The following TTC7A variants were observed in gnomAD, a reference collection of about 807,000 sequenced individuals.
The protein encoded by TTC7A is tetratricopeptide repeat protein 7A.
TTC7A carries 110 observed loss-of-function variants against 103.7 expected under a neutral mutation model. That is an observed-to-expected ratio of 1.06 (90% CI 0.91 to 1.24). The LOEUF is 1.24. TTC7A is among the 50% of genes most tolerant of loss of function. The pLI is 0.00. For missense variants in TTC7A, 1,340 were observed against 1,116.3 expected (o/e 1.20, Z -2.86); for synonymous variants, 521 against 467.9 (o/e 1.11, Z -1.47).
At chr2:46,940,468 G>C (rs77351240), upstream of TTC7A, among the ~76,000 whole-genome samples, 4,083 of 152,256 alleles carry the variant, frequency 0.027, 82 homozygotes, top group Admixed American at 0.049. The surrounding 1 kb of genome is among the most constrained non-coding windows in gnomAD (Gnocchi z 4.7). Context: ...GCCCCGCCCC[G>C]TAGTCCTGTG....
At chr2:46,978,206 C>G (rs958966622) in intron 4 of TTC7A, 1 of 152,714 alleles carries the variant, frequency 6.5e-6, no homozygotes, top group Non-Finnish European at 1.5e-5. Flanking sequence ...AGTGAGTGCT[C>G]AGCATGGTTC....
chr2:46,968,705 A>C (rs533252635), intron 3 of TTC7A, among the ~76,000 whole-genome samples: 4 of 152,162 alleles, frequency 2.6e-5, no homozygotes. Context: ...ATTTCTCTGA[A>C]TCATGACAGC....
At chr2:47,072,104 C>G (rs563171818) in intron 19 of TTC7A, among the ~76,000 whole-genome samples, 3 of 152,150 alleles carry the variant, frequency 2.0e-5, no homozygotes, top group Non-Finnish European at 4.4e-5. Context: ...GCCCTTGGGT[C>G]TGGTGTGGGT....
chr2:47,016,295 C>T (rs1213269729), intron 11 of TTC7A, among the ~76,000 whole-genome samples: 1 of 152,186 alleles, frequency 6.6e-6, no homozygotes, highest in Non-Finnish European at 1.5e-5. Context: ...AAAAATGAAA[C>T]CCTCCAGAGG....
At chr2:46,985,042 C>G (rs73926325) in intron 5 of TTC7A, among the ~76,000 whole-genome samples, 5,332 of 152,242 alleles carry the variant, frequency 0.035, 338 homozygotes, top group African/African-American at 0.12. Context: ...CTGCTTCCCC[C>G]TGTCTGCACT....
At chr2:47,017,987 A>G (rs2104524900) in intron 11 of TTC7A, among the ~76,000 whole-genome samples, 1 of 152,310 alleles carries the variant, frequency 6.6e-6, no homozygotes, top group South Asian at 2.1e-4. Flanking sequence ...ACATATATAT[A>G]TGAACCTGGC....
At chr2:46,994,335 C>T (rs372560551) in intron 6 of TTC7A, 22 bp from the exon 7 acceptor site, 72 of 1,604,546 alleles carry the variant, frequency 4.5e-5, no homozygotes, top group African/African-American at 1.5e-4. Flanking sequence ...TGCCTGGGTC[C>T]GAGTGCTTCC....
At position 46,957,119 on chromosome 2, in the gene TTC7A, A is replaced by G. The variant is rs920989478; in HGVS notation, c.517+112A>G. On this transcript the variant is annotated intron_variant, in intron 3 of 19. Transcript: ENST00000319190. ...AGATTCTTCACCCCTGGTAGTGCCCATGCCCTGGCACTGGTGTCTAAGGTG... is the reference window on the plus strand; with the variant it reads ...AGATTCTTCACCCCTGGTAGTGCCCGTGCCCTGGCACTGGTGTCTAAGGTG... The G allele has an allele frequency of 8.1e-6, 11 of 1,358,616 alleles. No individual in the cohort carries two copies. The African/African-American group carries it at 1.3e-4, about 16-fold the overall frequency. The allele number at this position is 1,358,616 out of a possible 1,614,324, so 84.2% of individuals were successfully genotyped here. A position where few individuals can be genotyped will look rare whatever the true frequency, so the allele number is the denominator to read the frequency against.
intron 15 of TTC7A, among the ~76,000 whole-genome samples, chr2:47,031,839 T>C (rs1680577256): frequency 6.6e-6 from 1 of 152,244 alleles, no homozygotes; most frequent in Admixed American, 6.5e-5. Context: ...TTTGGAAATC[T>C]GGCTGCAGCC....
intron 2 of TTC7A, among the ~76,000 whole-genome samples, chr2:46,952,734 A>AG: frequency 6.6e-6 from 1 of 152,312 alleles, no homozygotes; most frequent in African/African-American, 2.4e-5. Context: ...CCTGGGTGAC[A>AG]GAGCAAGATC....
chr2:47,029,519 G>A, intron 15 of TTC7A, 135 bp downstream of exon 15: 1 of 1,004,664 alleles, frequency 1.0e-6, no homozygotes, highest in Non-Finnish European at 1.5e-6. Context: ...AATCCCTGGT[G>A]GAGAGACAGG....
chr2:46,978,665 C>G, intron 4 of TTC7A, 127 bp from the exon 5 acceptor site: 1 of 643,470 alleles, frequency 1.6e-6, no homozygotes, highest in East Asian at 2.9e-5. Context: ...CAAGCCTGGT[C>G]TGAGAATGCA....
At chr2:46,920,953 A>C (rs2103801963) in intron 2 of TTC7A, among the ~76,000 whole-genome samples, 1 of 151,410 alleles carries the variant, frequency 6.6e-6, no homozygotes, top group Non-Finnish European at 1.5e-5. Context: ...CATCTGACAA[A>C]ATTTAATCCC....
At chr2:46,944,841 A>T (rs576981857) in intron 1 of TTC7A, among the ~76,000 whole-genome samples, 5 of 152,176 alleles carry the variant, frequency 3.3e-5, no homozygotes, top group Admixed American at 3.3e-4. Context: ...ACACCTAGCA[A>T]TAAGAACTCT....
intron 1 of TTC7A, among the ~76,000 whole-genome samples, chr2:46,945,708 C>T (rs1226321131): frequency 1.3e-5 from 2 of 151,818 alleles, no homozygotes; most frequent in Non-Finnish European, 2.9e-5. Context: ...GTCTCTTAAT[C>T]TGTAGTCACC....
At chr2:46,954,740 T>A (rs1055892842) in intron 2 of TTC7A, among the ~76,000 whole-genome samples, 2 of 151,862 alleles carry the variant, frequency 1.3e-5, no homozygotes, top group Non-Finnish European at 2.9e-5. Flanking sequence ...CCCGGATAAT[T>A]TTTGTATTTT....
chr2:46,993,649 C>A, intron 6 of TTC7A, 121 bp downstream of exon 6: 1 of 867,140 alleles, frequency 1.2e-6, no homozygotes, highest in Non-Finnish European at 1.9e-6. Flanking sequence ...CTGCTTGTGG[C>A]AGAGGTTGGT....
chr2:47,071,738 A>C (rs1684743009), intron 19 of TTC7A, among the ~76,000 whole-genome samples: 1 of 152,170 alleles, frequency 6.6e-6, no homozygotes, highest in Non-Finnish European at 1.5e-5. Context: ...GAAACTGAGA[A>C]TACACACACA....
chr2:47,008,937 G>C (rs1431205917), intron 10 of TTC7A, among the ~76,000 whole-genome samples: 1 of 152,024 alleles, frequency 6.6e-6, no homozygotes, highest in African/African-American at 2.4e-5. Context: ...CGGCTGCTGA[G>C]TCCTCAGATG....
Sources: allele counts gnomAD v4.1 joint callset (sites outside exome capture counted in the v4.1 genomes callset), GRCh38; gene constraint gnomAD v4.1.1; non-coding constraint Gnocchi (gnomAD v3.1); transcripts MANE v1.5; gene names NCBI Gene and HGNC (gene_info 2026-07-23, HGNC 2026-07-21).